PDE1C: variants seen among roughly 807,000 people sequenced by gnomAD.
PDE1C encodes the protein dual specificity calcium/calmodulin-dependent 3',5'-cyclic nucleotide phosphodiesterase 1C.
Under a neutral mutation model 93.1 loss-of-function variants are expected in PDE1C, and 62 were observed. The ratio of observed to expected loss-of-function variants is 0.67; its 90% CI spans 0.54 to 0.82. The LOEUF (loss-of-function observed/expected upper bound fraction) is 0.82, where lower values mean the gene tolerates loss of function less well. PDE1C is among the 40% of genes least tolerant of loss of function. PDE1C has a pLI of 0.00. For synonymous variants in PDE1C, 325 were observed against 310.1 expected, an observed-to-expected ratio of 1.05 and a Z score of -0.50; for missense variants, 742 against 884.6, an observed-to-expected ratio of 0.84 and a Z score of 2.04.
chr7:32,158,969 A>T (rs1172241714), intron 3 of PDE1C, among the ~76,000 whole-genome samples: 3 of 152,202 alleles, frequency 2.0e-5, no homozygotes, highest in Non-Finnish European at 4.4e-5. Flanking sequence ...AACATAAGGC[A>T]TGTGTTCCTC....
At chr7:31,775,787 G>A in intron 16 of PDE1C, 55 bp from the exon 17 acceptor site, 2 of 1,416,804 alleles carry the variant, frequency 1.4e-6, no homozygotes, top group Admixed American at 1.7e-5. Flanking sequence ...AAACCTGTTG[G>A]ACAAGTAAAT....
chr7:31,896,202 A>G (rs955896604), intron 2 of PDE1C, among the ~76,000 whole-genome samples: 5 of 152,082 alleles, frequency 3.3e-5, no homozygotes, highest in Non-Finnish European at 5.9e-5. Flanking sequence ...GGAAGCAGAG[A>G]TGGGCACAAC....
At chr7:31,894,449 G>T (rs987141614) in intron 2 of PDE1C, among the ~76,000 whole-genome samples, 5 of 152,230 alleles carry the variant, frequency 3.3e-5, no homozygotes, top group African/African-American at 4.8e-5. Context: ...AAGCATATTT[G>T]CTGGAAGTGA....
intron 1 of PDE1C, among the ~76,000 whole-genome samples, chr7:32,370,170 C>T (rs1241042494): frequency 4.6e-5 from 7 of 152,130 alleles, no homozygotes. Flanking sequence ...ATGAGTTCTG[C>T]CGGGCGCAGT....
chr7:32,232,510 G>A (rs983837529), intron 1 of PDE1C, among the ~76,000 whole-genome samples: 16 of 152,122 alleles, frequency 1.1e-4, no homozygotes, highest in African/African-American at 3.9e-4. Flanking sequence ...CTGAAATTCA[G>A]GCACAGTCTT....
At chr7:32,010,102 T>C (rs1232756232) in intron 2 of PDE1C, among the ~76,000 whole-genome samples, 1 of 152,190 alleles carries the variant, frequency 6.6e-6, no homozygotes, top group Non-Finnish European at 1.5e-5. Context: ...TCTCCTCAAA[T>C]CTATCTATGA....
chr7:32,184,914 G>A (rs1226387372), intron 2 of PDE1C, among the ~76,000 whole-genome samples: 2 of 152,008 alleles, frequency 1.3e-5, no homozygotes, highest in African/African-American at 4.8e-5. Flanking sequence ...GAGTTCGAGA[G>A]CAGCCTGACC....
chr7:31,837,340 CT>C, intron 10 of PDE1C, 40 bp from the exon 11 acceptor site: 2 of 1,527,268 alleles, frequency 1.3e-6, no homozygotes, highest in Non-Finnish European at 1.8e-6. Flanking sequence ...TAACCACACT[CT>C]TCAGAACCTC....
In PDE1C at chr7:32,151,834, T is replaced by C. The variant is rs570003291; in HGVS notation, c.308+17951A>G. On this transcript the variant is annotated intron_variant, in intron 3 of 18. Transcript: ENST00000396193. ...GGGTAATGGTTCATTATGTTGATTATGGTGATGGGTTCACAGGCTCAAATG... is the reference window on the plus strand; with the variant it reads ...GGGTAATGGTTCATTATGTTGATTACGGTGATGGGTTCACAGGCTCAAATG... Among the ~76,000 whole-genome samples the C allele has an allele frequency of 1.6e-3, 237 of 152,338 alleles. 1 individual carries two copies. Among genetic ancestry groups the C allele is most frequent in the African/African-American group, 5.4e-3 (225 of 41,576 alleles).
At chr7:31,639,746 C>G in the PDE1C span, among the ~76,000 whole-genome samples, 2 of 151,952 alleles carry the variant, frequency 1.3e-5, no homozygotes, top group African/African-American at 4.8e-5. Flanking sequence ...CTGTGTTAGC[C>G]AGGCTCGTCT....
At chr7:31,875,305 C>T (rs1368051684) in intron 5 of PDE1C, among the ~76,000 whole-genome samples, 1 of 152,130 alleles carries the variant, frequency 6.6e-6, no homozygotes, top group Non-Finnish European at 1.5e-5. Context: ...AAGATTTATT[C>T]TGAATATCAG....
At chr7:31,754,981 C>A (rs1409063600) in intron 17 of PDE1C, among the ~76,000 whole-genome samples, 2 of 152,200 alleles carry the variant, frequency 1.3e-5, no homozygotes, top group East Asian at 3.8e-4. Flanking sequence ...TAGGAAACAA[C>A]CTCACTGAAG....
intron 2 of PDE1C, among the ~76,000 whole-genome samples, chr7:31,951,192 A>G (rs1350847642): frequency 1.3e-5 from 2 of 152,220 alleles, no homozygotes; most frequent in Non-Finnish European, 2.9e-5. Context: ...TAAAGGCCTT[A>G]TCTTCAAACA....
At chr7:31,980,346 G>A (rs1812218434) in intron 2 of PDE1C, among the ~76,000 whole-genome samples, 1 of 152,192 alleles carries the variant, frequency 6.6e-6, no homozygotes, top group African/African-American at 2.4e-5. Flanking sequence ...TGTGCAGAAT[G>A]ATTTAAATTC....
At chr7:31,692,472 G>C in the PDE1C span, 2 of 1,612,198 alleles carry the variant, frequency 1.2e-6, no homozygotes, top group Middle Eastern at 1.7e-4. Context: ...GCAGCCACTG[G>C]AACTCTCAGA....
At chr7:32,083,220 C>T (rs1796828418) in intron 3 of PDE1C, among the ~76,000 whole-genome samples, 1 of 151,480 alleles carries the variant, frequency 6.6e-6, no homozygotes, top group African/African-American at 2.4e-5. Context: ...GCCTCAGGAG[C>T]CAATGCGATC....
intron 1 of PDE1C, among the ~76,000 whole-genome samples, chr7:32,357,537 C>A (rs1276985417): frequency 2.0e-5 from 3 of 152,154 alleles, no homozygotes; most frequent in Non-Finnish European, 4.4e-5. Context: ...TTTGGAGGAA[C>A]TAAAATGTTG....
At chr7:31,955,131 TGC>T (rs1807948731) in intron 2 of PDE1C, among the ~76,000 whole-genome samples, 1 of 152,220 alleles carries the variant, frequency 6.6e-6, no homozygotes, top group African/African-American at 2.4e-5. Context: ...GATATTATTT[TGC>T]ATAGAAGATA....
intron 2 of PDE1C, among the ~76,000 whole-genome samples, chr7:32,181,447 T>C (rs1374990532): frequency 6.6e-6 from 1 of 152,096 alleles, no homozygotes; most frequent in Non-Finnish European, 1.5e-5. Context: ...TAACAAACTC[T>C]CTCTTCAAAC....
Sources: gnomAD v4.1 joint callset for allele counts (sites outside exome capture counted in the v4.1 genomes callset) on GRCh38, gnomAD v4.1.1 for gene constraint, MANE v1.5 for transcripts, NCBI Gene and HGNC (gene_info 2026-07-23, HGNC 2026-07-21) for gene names.